Variants in CEP112 observed in about 807,000 individuals in gnomAD.
The protein encoded by CEP112 is centrosomal protein of 112 kDa.
In CEP112, 127 loss-of-function variants were observed where a neutral mutation model predicts 153.0. That is an observed-to-expected ratio of 0.83 (90% confidence interval 0.72 to 0.96). The LOEUF is 0.96. Among genes scored for constraint, CEP112 ranks in the 40% least tolerant of loss-of-function variants. The pLI, the probability that CEP112 is intolerant of heterozygous loss-of-function variation, is 0.00. For missense variants in CEP112, 1,089 were observed against 1,101.2 expected (o/e 0.99, Z 0.16); for synonymous variants, 358 against 374.4 (o/e 0.96, Z 0.51).
intron 25 of CEP112, among the ~76,000 whole-genome samples, chr17:65,637,974 C>T (rs2044868589): frequency 6.6e-6 from 1 of 152,300 alleles, no homozygotes; most frequent in African/African-American, 2.4e-5. Flanking sequence ...TGGAGTTAGG[C>T]CAACTTTGGT....
intron 4 of CEP112, among the ~76,000 whole-genome samples, chr17:66,167,127 A>G (rs1421635588): frequency 6.6e-6 from 1 of 152,164 alleles, no homozygotes; most frequent in African/African-American, 2.4e-5. Flanking sequence ...CTTTCTGCAG[A>G]GTCATAATTT....
intron 12 of CEP112, among the ~76,000 whole-genome samples, chr17:66,031,501 T>TTTTA (rs2065482053): frequency 8.9e-6 from 1 of 112,056 alleles, no homozygotes; most frequent in African/African-American, 3.0e-5. Flanking sequence ...TTTTTTTTTT[T>TTTTA]GAGACAGGGT....
At chr17:66,120,585 T>C (rs1012312580) in intron 6 of CEP112, among the ~76,000 whole-genome samples, 14 of 152,222 alleles carry the variant, frequency 9.2e-5, no homozygotes, top group Non-Finnish European at 1.9e-4. Flanking sequence ...AAGTGAATTT[T>C]TGGTAGTTTG....
chr17:65,896,971 C>G (rs985378428), intron 20 of CEP112, among the ~76,000 whole-genome samples: 4 of 152,058 alleles, frequency 2.6e-5, no homozygotes, highest in Admixed American at 1.3e-4. Context: ...TAATGCCTAA[C>G]ATTAAACTTT....
intron 21 of CEP112, among the ~76,000 whole-genome samples, chr17:65,773,900 C>T (rs1037268409): frequency 5.9e-5 from 9 of 152,132 alleles, no homozygotes; most frequent in African/African-American, 1.7e-4. Flanking sequence ...GCCTAGCTAA[C>T]ATGGCAAAAC....
chr17:65,943,303 A>G (rs141177284), intron 18 of CEP112, among the ~76,000 whole-genome samples: 256 of 152,334 alleles, frequency 1.7e-3, no homozygotes, highest in African/African-American at 6.1e-3. Flanking sequence ...TCTTATATGT[A>G]TGTTAGTGTG....
Position 65,992,276 on chromosome 17 carries a change from T to G in CEP112, c.1736+13414A>C, listed in dbSNP as rs180872405. ...GCAACAAAAGATAAATGAAGAAGAT[T>G]TAAAAGTGTCATAGGAAAGCTTTTT... On this transcript the variant is annotated intron_variant, in intron 17 of 26. Coordinates refer to ENST00000535342, the MANE Select transcript of CEP112 (RefSeq NM_001199165.4). Among the ~76,000 whole-genome samples the G allele has an allele frequency of 1.5e-4, 23 of 152,266 alleles. No individual in the cohort carries two copies. The East Asian group carries it at 3.3e-3, about 22-fold the overall frequency.
At chr17:65,918,652 G>A (rs887226250) in intron 19 of CEP112, among the ~76,000 whole-genome samples, 2 of 152,072 alleles carry the variant, frequency 1.3e-5, no homozygotes, top group African/African-American at 4.8e-5. Flanking sequence ...ATGCCTGGTT[G>A]GTTGTTTGTT....
rs1357179389 is a variant in CEP112 at position 65,896,189 on chromosome 17, T to C, written c.2163+5963A>G. On this transcript the variant is annotated intron_variant, in intron 20 of 26. Transcript: ENST00000535342. The stretch of plus-strand genomic sequence containing the variant: ...TGTAGTTTCCATGGTAACTGCCACA[T>C]TTTAAAAATATGCACAGGACTAAAG... Among the ~76,000 whole-genome samples, 3 of 152,226 alleles carry C rather than the reference T, an allele frequency of 2.0e-5. No individual in the cohort carries two copies. In the East Asian group the frequency reaches 5.8e-4, roughly 29 times the overall value.
At chr17:66,147,047 G>T (rs542746549) in intron 4 of CEP112, among the ~76,000 whole-genome samples, 2 of 152,136 alleles carry the variant, frequency 1.3e-5, no homozygotes, top group African/African-American at 4.8e-5. Context: ...TGGGAATGTT[G>T]GATAATGTAA....
intron 12 of CEP112, among the ~76,000 whole-genome samples, chr17:66,030,743 A>G (rs2065428137): frequency 6.6e-6 from 1 of 152,146 alleles, no homozygotes; most frequent in African/African-American, 2.4e-5. Flanking sequence ...CATCTTTTAG[A>G]TACTTTATCT....
chr17:66,029,699 T>C (rs1233407478), intron 13 of CEP112, among the ~76,000 whole-genome samples, 170 bp downstream of exon 13: 1 of 129,516 alleles, frequency 7.7e-6, no homozygotes. Context: ...AGAGACCCTG[T>C]CTCTAAATAA....
At chr17:65,651,168 T>A (rs914598527) in intron 24 of CEP112, among the ~76,000 whole-genome samples, 2 of 152,186 alleles carry the variant, frequency 1.3e-5, no homozygotes, top group Admixed American at 1.3e-4. Flanking sequence ...AGCTCCCACT[T>A]ACGAGTGAGA....
chr17:65,915,894 T>C (rs1205368384), intron 19 of CEP112, among the ~76,000 whole-genome samples: 3 of 151,304 alleles, frequency 2.0e-5, no homozygotes, highest in Non-Finnish European at 2.9e-5. Context: ...CCATGGTCCA[T>C]AGGATGTGAC....
At chr17:66,173,968 G>A (rs964856739) in intron 4 of CEP112, among the ~76,000 whole-genome samples, 1 of 151,486 alleles carries the variant, frequency 6.6e-6, no homozygotes, top group Admixed American at 6.6e-5. Flanking sequence ...TCGCCCTATC[G>A]CCCAGGCTGG....
In CEP112 at chr17:65,659,262, T is replaced by A. The variant is rs74827708; in HGVS notation, c.2698-18197A>T. On this transcript the variant is annotated intron_variant, in intron 24 of 26. Transcript: ENST00000535342. The stretch of plus-strand genomic sequence containing the variant: ...CTTCAGTTAAATATCGTTCAAAATA[T>A]CTGATTTAGACAGAGAGTTCTGACC... Among the ~76,000 whole-genome samples the A allele has an allele frequency of 2.4e-3, 362 of 152,230 alleles. 2 individuals are homozygous for A. The highest frequency in any genetic ancestry group is 8.6e-3 in the African/African-American group (356 of 41,522).
chr17:65,839,180 G>A (rs540650847), intron 21 of CEP112, among the ~76,000 whole-genome samples: 3 of 151,818 alleles, frequency 2.0e-5, no homozygotes, highest in Admixed American at 6.6e-5. Context: ...ACTAAAACCC[G>A]ACAAGGACAC....
In CEP112 at chr17:65,673,332, G is replaced by A. The variant is rs528104867; in HGVS notation, c.2697+15797C>T. 5.3e-5 allele frequency among the ~76,000 whole-genome samples: 8 copies of A among 152,064 alleles called. No individual in the cohort carries two copies. In the South Asian group the frequency reaches 8.4e-4, roughly 16 times the overall value. On this transcript the variant is annotated intron_variant, in intron 24 of 26. Coordinates refer to ENST00000535342, the MANE Select transcript of CEP112 (RefSeq NM_001199165.4). ...GGCTTCAAATCTCTCTAGCCCCCCC[G>A]CCCTCTTTTGCCACATTTGCCATGT...
intron 19 of CEP112, among the ~76,000 whole-genome samples, chr17:65,904,166 C>CTGTTTGCAGATGACA (rs2059981867): frequency 1.3e-5 from 2 of 152,338 alleles, no homozygotes; most frequent in Non-Finnish European, 2.9e-5. Context: ...CAAATTGTCT[C>CTGTTTGCAGATGACA]TGTTTGCAGA....
Sources: gnomAD v4.1 joint callset for allele counts (sites outside exome capture counted in the v4.1 genomes callset) on GRCh38, gnomAD v4.1.1 for gene constraint, MANE v1.5 for transcripts, NCBI Gene and HGNC (gene_info 2026-07-23, HGNC 2026-07-21) for gene names.